S100Z: variants seen among roughly 807,000 people sequenced by gnomAD.
S100Z encodes the protein protein S100-Z.
In S100Z, 11 loss-of-function variants were observed where a neutral mutation model predicts 8.5. The ratio of observed to expected loss-of-function variants is 1.30; its 90% CI spans 0.82 to 2.15. The LOEUF is 2.15. Among genes scored for constraint, S100Z ranks in the 30% most tolerant of loss-of-function variants. S100Z has a pLI of 0.00. For synonymous variants in S100Z, 34 were observed against 43.8 expected (o/e 0.78, Z 0.89); for missense variants, 126 against 117.9 (o/e 1.07, Z -0.32).
intron 3 of S100Z, 117 bp downstream of exon 3, chr5:76,875,617 T>C (rs1355450237): frequency 2.3e-6 from 2 of 884,442 alleles, no homozygotes; most frequent in African/African-American, 3.4e-5. Context: ...GCCAAATTTG[T>C]ACAGAGATTC....
chr5:76,930,432 T>G, the S100Z span, among the ~76,000 whole-genome samples: 3 of 152,124 alleles, frequency 2.0e-5, no homozygotes, highest in African/African-American at 7.2e-5. Context: ...GGACTGAACT[T>G]AGGTCTCAAG....
At chr5:76,923,514 C>A (rs1428294183), downstream of S100Z, among the ~76,000 whole-genome samples, 1 of 151,662 alleles carries the variant, frequency 6.6e-6, no homozygotes, top group Non-Finnish European at 1.5e-5. Flanking sequence ...TGCTATGCCA[C>A]CCCAATGGGG....
At position 76,898,933 on chromosome 5, in the gene S100Z, C is replaced by CTTT. The variant is rs56287065; in HGVS notation, c.*2+21116_*2+21118dup. On this transcript the variant is annotated intron_variant, in intron 4 of 4. Coordinates refer to ENST00000317593, the MANE Select transcript of S100Z (RefSeq NM_130772.4). ...CCATTGGGTCCTGGGCTTTTCTTTTCTTTTTTTTTTTTTTTTTTTGAGACA... is the reference window on the plus strand; with the variant it reads ...CCATTGGGTCCTGGGCTTTTCTTTTCTTTTTTTTTTTTTTTTTTTTTTGAGACA... 4.8e-3 allele frequency among the ~76,000 whole-genome samples: 527 copies of CTTT among 109,902 alleles called. 14 individuals are homozygous for CTTT. The highest frequency in any genetic ancestry group is 0.036 in the Middle Eastern group (7 of 194). The allele number at this position is 109,902 out of a possible 152,430, so 72.1% of individuals were successfully genotyped here.
chr5:76,915,279 T>C (rs1259587187), intron 4 of S100Z, among the ~76,000 whole-genome samples: 3 of 130,286 alleles, frequency 2.3e-5, no homozygotes, highest in Non-Finnish European at 4.7e-5. Flanking sequence ...TACTCCAGCC[T>C]GGGTGACAGA....
At chr5:76,868,813 G>A (rs750086823) in intron 1 of S100Z, among the ~76,000 whole-genome samples, 3 of 151,866 alleles carry the variant, frequency 2.0e-5, no homozygotes, top group Non-Finnish European at 2.9e-5. Context: ...TAGTAGAGAC[G>A]GGGTTTCACC....
intron 4 of S100Z, among the ~76,000 whole-genome samples, chr5:76,895,045 T>C (rs1314536171): frequency 6.6e-6 from 1 of 152,136 alleles, no homozygotes; most frequent in Non-Finnish European, 1.5e-5. Flanking sequence ...CAAACTGTAG[T>C]GTCTTTTTCT....
At chr5:76,926,267 C>T (rs907911967), downstream of S100Z, among the ~76,000 whole-genome samples, 13 of 152,030 alleles carry the variant, frequency 8.6e-5, no homozygotes, top group Admixed American at 8.5e-4. Context: ...TGATTAGTAG[C>T]CGTGAGGGTT....
chr5:76,854,392 C>T (rs182388037), intron 1 of S100Z, among the ~76,000 whole-genome samples: 31 of 152,172 alleles, frequency 2.0e-4, no homozygotes, highest in African/African-American at 7.0e-4. Context: ...GAAGGCCAGG[C>T]GGAGATGAGG....
the S100Z span, among the ~76,000 whole-genome samples, chr5:76,935,388 CCTTT>C: frequency 2.4e-4 from 37 of 152,288 alleles, no homozygotes; most frequent in African/African-American, 8.4e-4. Context: ...ATTAATTTGA[CCTTT>C]CTCGATCTCA....
intron 4 of S100Z, among the ~76,000 whole-genome samples, chr5:76,918,736 A>G (rs2150687917): frequency 6.6e-6 from 1 of 152,292 alleles, no homozygotes; most frequent in South Asian, 2.1e-4. Context: ...TTTCATTCTT[A>G]GTGTTGTACA....
chr5:76,932,336 C>T, the S100Z span, among the ~76,000 whole-genome samples: 5 of 152,118 alleles, frequency 3.3e-5, no homozygotes, highest in African/African-American at 4.8e-5. Context: ...GCCCTTCTCA[C>T]GATGAGACCG....
At chr5:76,949,650 T>C in the S100Z span, among the ~76,000 whole-genome samples, 1 of 152,204 alleles carries the variant, frequency 6.6e-6, no homozygotes, top group African/African-American at 2.4e-5. Flanking sequence ...ATCCTTGTCA[T>C]ATACTACAGC....
At chr5:76,951,024 A>C in the S100Z span, among the ~76,000 whole-genome samples, 1 of 148,380 alleles carries the variant, frequency 6.7e-6, no homozygotes, top group Non-Finnish European at 1.5e-5. Context: ...AATTACCATT[A>C]ATTTTTTTTT....
chr5:76,927,463 C>T, the S100Z span, among the ~76,000 whole-genome samples: 26 of 152,262 alleles, frequency 1.7e-4, no homozygotes, highest in South Asian at 5.2e-3. Context: ...CTCAAAATAT[C>T]AAGCTGACCC....
chr5:76,893,219 C>T (rs1012796701), intron 4 of S100Z, among the ~76,000 whole-genome samples: 21 of 151,960 alleles, frequency 1.4e-4, no homozygotes, highest in Middle Eastern at 3.2e-3. Flanking sequence ...GTAAAAATTG[C>T]GGCAGAATGA....
At chr5:76,856,477 G>C (rs1272740903) in intron 1 of S100Z, among the ~76,000 whole-genome samples, 1 of 152,220 alleles carries the variant, frequency 6.6e-6, no homozygotes, top group Non-Finnish European at 1.5e-5. Flanking sequence ...TGGGATTAAA[G>C]GCATGAGCCA....
chr5:76,883,547 T>C (rs1437452836), intron 4 of S100Z, among the ~76,000 whole-genome samples: 6 of 152,156 alleles, frequency 3.9e-5, no homozygotes, highest in Non-Finnish European at 7.4e-5. Flanking sequence ...AGCCTCCTTA[T>C]TGATTAAGAA....
chr5:76,952,147 G>A, the S100Z span, among the ~76,000 whole-genome samples: 9 of 152,090 alleles, frequency 5.9e-5, no homozygotes, highest in African/African-American at 1.9e-4. Flanking sequence ...ACTTATTTCC[G>A]GATCCCTAAG....
downstream of S100Z, among the ~76,000 whole-genome samples, chr5:76,923,748 C>T (rs777195934): frequency 2.0e-5 from 3 of 152,124 alleles, no homozygotes; most frequent in Admixed American, 6.5e-5. Context: ...GTCTGTGGAC[C>T]GGCAGCATTA....
Sources: gnomAD v4.1 joint callset for allele counts (sites outside exome capture counted in the v4.1 genomes callset) on GRCh38, gnomAD v4.1.1 for gene constraint, MANE v1.5 for transcripts, NCBI Gene and HGNC (gene_info 2026-07-23, HGNC 2026-07-21) for gene names.